Variants in APBA1 observed in about 807,000 individuals in gnomAD.
The protein encoded by APBA1 is amyloid-beta A4 precursor protein-binding family A member 1.
Under a neutral mutation model 86.6 loss-of-function variants are expected in APBA1, and 55 were observed. That is an observed-to-expected ratio of 0.64 (90% CI 0.51 to 0.80). The LOEUF (loss-of-function observed/expected upper bound fraction) is 0.80. APBA1 is among the 30% of genes least tolerant of loss of function. The pLI is 0.00. For missense variants in APBA1, 1,090 were observed against 1,183.0 expected (o/e 0.92, Z 1.15); for synonymous variants, 511 against 493.9 (o/e 1.03, Z -0.46).
chr9:69,617,466 T>G (rs565957659), intron 1 of APBA1, among the ~76,000 whole-genome samples: 18 of 152,250 alleles, frequency 1.2e-4, no homozygotes, highest in Admixed American at 3.9e-4. Flanking sequence ...TAGTAGAATG[T>G]GTGTATCCAG....
intron 1 of APBA1, among the ~76,000 whole-genome samples, chr9:69,640,502 T>C (rs1323104617): frequency 1.3e-5 from 2 of 151,832 alleles, no homozygotes; most frequent in African/African-American, 4.8e-5. Context: ...GAGTCAACAT[T>C]TTGACTCTGT....
intron 2 of APBA1, among the ~76,000 whole-genome samples, chr9:69,497,182 A>G (rs1341795392): frequency 6.6e-6 from 1 of 151,868 alleles, no homozygotes; most frequent in Non-Finnish European, 1.5e-5. Flanking sequence ...CATCTTCTCC[A>G]TGACTCATCA....
chr9:69,499,720 G>A (rs1051050860), intron 2 of APBA1, among the ~76,000 whole-genome samples: 1 of 151,382 alleles, frequency 6.6e-6, no homozygotes, highest in Non-Finnish European at 1.5e-5. Context: ...CAGGGAGAGG[G>A]TAACATCAAG....
chr9:69,592,557 T>TA (rs1822151891), intron 1 of APBA1, among the ~76,000 whole-genome samples: 1 of 152,182 alleles, frequency 6.6e-6, no homozygotes, highest in Admixed American at 6.5e-5. Context: ...ATCACGCCAC[T>TA]ACATTCCAGT....
chr9:69,621,221 C>T (rs1195944560), intron 1 of APBA1, among the ~76,000 whole-genome samples: 1 of 152,210 alleles, frequency 6.6e-6, no homozygotes, highest in Non-Finnish European at 1.5e-5. Flanking sequence ...ATCTAGTCAT[C>T]TTGATGCCAG....
At position 69,526,260 on chromosome 9, in the gene APBA1, G is replaced by T. The variant is rs558290836; in HGVS notation, c.-69-8981C>A. Among the ~76,000 whole-genome samples the T allele has an allele frequency of 1.0e-3, 153 of 152,136 alleles. 1 individual carries two copies. Among genetic ancestry groups the T allele is most frequent in the African/African-American group, 3.2e-3 (133 of 41,508 alleles). ...ATTAAAGAGCTTCTGCACAGCAAAA[G>T]AAACTAACAACAGAGTAAACAGATA... On this transcript the variant is annotated intron_variant, in intron 1 of 12. Coordinates refer to ENST00000265381, the MANE Select transcript of APBA1 (RefSeq NM_001163.4).
Position 69,429,506 on chromosome 9 carries a change from C to T in APBA1, c.*1821G>A, listed in dbSNP as rs973761370. On this transcript the variant is annotated 3_prime_UTR_variant, in exon 13 of 13. Coordinates refer to ENST00000265381, the MANE Select transcript of APBA1 (RefSeq NM_001163.4). ...CCCCCCAGGGCACCTGGGCAGCCAG[C>T]GGCCTCCCTTCCTCAGGGCTCCTTT... 2.6e-5 allele frequency: 4 copies of T among 152,314 alleles called. No homozygotes were observed. The highest frequency in any genetic ancestry group is 4.1e-4 in the South Asian group (2 of 4,832). The allele number at this position is 152,314 out of a possible 1,614,324, so 9.4% of individuals were successfully genotyped here.
Position 69,671,535 on chromosome 9 carries a change from A to G in APBA1, c.-70+618T>C, listed in dbSNP as rs1823948426. On this transcript the variant is annotated intron_variant, in intron 1 of 12. Coordinates refer to ENST00000265381, the MANE Select transcript of APBA1 (RefSeq NM_001163.4). Reference sequence around the variant, plus strand: ...GTCAAAATAACAAACACTGTCCCACAGTCTTAGCCGGTGACATCAAGTAAG... The same window carrying G: ...GTCAAAATAACAAACACTGTCCCACGGTCTTAGCCGGTGACATCAAGTAAG... 2.6e-5 allele frequency among the ~76,000 whole-genome samples: 4 copies of G among 152,294 alleles called. No homozygotes were observed. The South Asian group carries it at 8.3e-4, about 32-fold the overall frequency.
At chr9:69,483,720 C>T (rs1296062878) in intron 2 of APBA1, among the ~76,000 whole-genome samples, 2 of 152,002 alleles carry the variant, frequency 1.3e-5, no homozygotes, top group African/African-American at 2.4e-5. Flanking sequence ...GCAGGGAGGT[C>T]AGGACAACGA....
chr9:69,505,444 C>T (rs1010029854), intron 2 of APBA1, among the ~76,000 whole-genome samples: 10 of 152,100 alleles, frequency 6.6e-5, no homozygotes, highest in African/African-American at 2.4e-4. Context: ...ACTAACTCCT[C>T]CATCACAGCC....
chr9:69,447,392 C>T (rs1834928291), intron 10 of APBA1, among the ~76,000 whole-genome samples: 1 of 152,224 alleles, frequency 6.6e-6, no homozygotes, highest in African/African-American at 2.4e-5. Context: ...TCCTATGCCG[C>T]TCAGGCAGTT....
chr9:69,517,165 C>T lies in APBA1; in HGVS notation c.46G>A (p.Ala16Thr), dbSNP rs1836178670. The change falls in exon 2 of 13, where the codon GCG becomes ACG. Residue 16 changes from alanine to threonine, a missense_variant. Ala to Thr is a moderately conservative substitution (Grantham distance 58). Coordinates refer to ENST00000265381, the MANE Select transcript of APBA1 (RefSeq NM_001163.4). ...GACTCGTTCACCTCCCCACCTGCCG[C>T]CTCGTCGGTCACCTCCACCTCCGCA... is the stretch of plus-strand genomic sequence containing the variant. The part of the protein sequence containing the change: ...GSAEVEVTDE[A>T]AGGEVNESVE... The T allele has an allele frequency of 3.2e-6, 5 of 1,555,384 alleles. No homozygotes were observed. The highest frequency in any genetic ancestry group is 4.3e-6 in the Non-Finnish European group (5 of 1,151,428).
intron 1 of APBA1, among the ~76,000 whole-genome samples, chr9:69,566,017 C>T (rs1374922730): frequency 6.6e-6 from 1 of 152,230 alleles, no homozygotes; most frequent in African/African-American, 2.4e-5. Flanking sequence ...CACGTTCCCA[C>T]CCCTATTCCC....
intron 2 of APBA1, among the ~76,000 whole-genome samples, chr9:69,483,417 C>T (rs988939073): frequency 6.6e-6 from 1 of 151,932 alleles, no homozygotes; most frequent in African/African-American, 2.4e-5. Context: ...ACAGAGACAT[C>T]AGCAAAATAT....
At chr9:69,549,646 A>G (rs1469483131) in intron 1 of APBA1, among the ~76,000 whole-genome samples, 2 of 152,210 alleles carry the variant, frequency 1.3e-5, no homozygotes, top group Non-Finnish European at 2.9e-5. Context: ...CACAGTGAAG[A>G]ACCTTTTACA....
chr9:69,446,266 G>A (rs936129384), intron 10 of APBA1, among the ~76,000 whole-genome samples: 1 of 152,010 alleles, frequency 6.6e-6, no homozygotes, highest in African/African-American at 2.4e-5. Context: ...CACCAGCCAG[G>A]GTGGTCCACG....
chr9:69,571,479 A>G (rs1313646356), intron 1 of APBA1, among the ~76,000 whole-genome samples: 3 of 152,208 alleles, frequency 2.0e-5, no homozygotes, highest in African/African-American at 7.2e-5. Flanking sequence ...ACTAAATAAT[A>G]TATGACTCTA....
chr9:69,491,200 C>T (rs1310809847), intron 2 of APBA1, among the ~76,000 whole-genome samples: 1 of 152,026 alleles, frequency 6.6e-6, no homozygotes, highest in Non-Finnish European at 1.5e-5. Context: ...GACTTGGAAC[C>T]AACCCAAATG....
Position 69,602,754 on chromosome 9 carries a change from T to C in APBA1, c.-70+69399A>G, listed in dbSNP as rs540599592. Among the ~76,000 whole-genome samples, 19 of 152,262 alleles carry C rather than the reference T, an allele frequency of 1.2e-4. No individual in the cohort carries two copies. In the East Asian group the frequency reaches 1.7e-3, roughly 14 times the overall value. On this transcript the variant is annotated intron_variant, in intron 1 of 12. Transcript: ENST00000265381. ...ACCACTTTAGGCCCTGGGGGAGAGA[T>C]TGGGAAACAAAATAGGCTATGAGTC...
Sources: allele counts gnomAD v4.1 joint callset (sites outside exome capture counted in the v4.1 genomes callset), GRCh38; gene constraint gnomAD v4.1.1; transcripts MANE v1.5; gene names NCBI Gene and HGNC (gene_info 2026-07-23, HGNC 2026-07-21).